The following RIPOR1 variants were observed in gnomAD, a reference collection of about 807,000 sequenced individuals.
RIPOR1 encodes the protein rho family-interacting cell polarization regulator 1.
In RIPOR1, 58 loss-of-function variants were observed where a neutral mutation model predicts 116.5. The observed-to-expected ratio is 0.50, with a 90% CI of 0.40 to 0.62. RIPOR1 has a LOEUF of 0.62. RIPOR1 is among the 20% of genes least tolerant of loss of function. RIPOR1 has a pLI of 0.00. For missense variants in RIPOR1, 1,372 were observed against 1,586.2 expected (o/e 0.86, Z 2.29); for synonymous variants, 605 against 650.0 (o/e 0.93, Z 1.05).
intron 3 of RIPOR1, 60 bp downstream of exon 3, chr16:67,538,884 C>G: frequency 6.2e-7 from 1 of 1,610,240 alleles, no homozygotes; most frequent in African/African-American, 1.3e-5. Flanking sequence ...CCGCATCCTG[C>G]TAGCAGGAAC....
intron 2 of RIPOR1, 43 bp from the exon 3 acceptor site, chr16:67,538,629 G>A: frequency 2.5e-6 from 4 of 1,608,922 alleles, no homozygotes; most frequent in South Asian, 1.1e-5. Context: ...GAGAGTCTGG[G>A]GGACTCCTGC....
At chr16:67,520,799 CA>C (rs772645514) in intron 1 of RIPOR1, among the ~76,000 whole-genome samples, 2 of 137,322 alleles carry the variant, frequency 1.5e-5, no homozygotes, top group African/African-American at 2.8e-5. Context: ...GACTCCATCT[CA>C]AAAAAAAAGA....
chr16:67,528,725 G>T (rs1377087790), upstream of RIPOR1: 1 of 147,616 alleles, frequency 6.8e-6, no homozygotes, highest in Non-Finnish European at 1.5e-5. Flanking sequence ...AGCCGTGGGC[G>T]CCTCTAGGGG....
chr16:67,520,377 C>CAA (rs1178600699), intron 1 of RIPOR1, among the ~76,000 whole-genome samples: 3 of 68,798 alleles, frequency 4.4e-5, no homozygotes, highest in East Asian at 8.8e-4. Context: ...GACCCCATCT[C>CAA]AAAAAAAAAA....
In RIPOR1 at chr16:67,540,407, TGAA is replaced by T; in HGVS notation, c.632-47_632-45del. 1 of 1,614,182 alleles carries T rather than the reference TGAA, an allele frequency of 6.2e-7. No homozygotes were observed. Among genetic ancestry groups the T allele is most frequent in the Non-Finnish European group, 8.5e-7 (1 of 1,180,022 alleles). ...AGGTGGGGGGCTGGAGGGAGTATGC[TGAA>T]GAACCCCAATATGGCTCACCGACTT... On this transcript the variant is annotated intron_variant, in intron 8 of 21. Transcript: ENST00000042381. This position sits in a 1 kb window ranked among gnomAD's most constrained non-coding sequence, Gnocchi z 4.7.
rs536043274 is a variant in RIPOR1 at position 67,541,203 on chromosome 16, C to T, written c.802-227C>T. 2.0e-6 allele frequency: 1 copy of T among 510,244 alleles called. No homozygotes were observed. Among genetic ancestry groups the T allele is most frequent in the Non-Finnish European group, 3.5e-6 (1 of 288,154 alleles). The allele number at this position is 510,244 out of a possible 1,614,324, so 31.6% of individuals were successfully genotyped here. A position where few individuals can be genotyped will look rare whatever the true frequency, so the allele number is the denominator to read the frequency against. On this transcript the variant is annotated intron_variant, in intron 10 of 21. Transcript: ENST00000042381. The surrounding 1 kb of genome is among the most constrained non-coding windows in gnomAD (Gnocchi z 4.6). ...ACTTCAGCCTCCCAAGTAGCTGGGA[C>T]TACAGGTGCACCACCATGCCTGGCT...
Position 67,542,544 on chromosome 16 carries a change from CCCTA to C in RIPOR1, c.1761_1764del (p.Thr588SerfsTer4). On this transcript the variant is annotated frameshift_variant, in exon 13 of 22. Transcript: ENST00000042381. LOFTEE classifies it high-confidence loss of function. The surrounding 1 kb of genome is among the most constrained non-coding windows in gnomAD (Gnocchi z 4.6). ...TAATCTCTACCCTTACTACTACAGG[CCCTA>C]CCCTCAATATCATAGGCCCAGTCCA... The C allele has an allele frequency of 6.2e-7, 1 of 1,613,876 alleles. No individual in the cohort carries two copies. The highest frequency in any genetic ancestry group is 8.5e-7 in the Non-Finnish European group (1 of 1,179,942).
At position 67,545,395 on chromosome 16, in the gene RIPOR1, GGAT is replaced by G. The variant is rs1233968794; in HGVS notation, c.3053_3055del (p.Asp1018del). ...CTGCAGTGTGTGTGAAGTTCCTGGA[GGAT>G]GCCCTGGGGCAGAAGCTGCCCAGAA... is the stretch of plus-strand genomic sequence containing the variant. On this transcript the variant is annotated inframe_deletion, in exon 18 of 22. Transcript: ENST00000042381. The surrounding 1 kb of genome is among the most constrained non-coding windows in gnomAD (Gnocchi z 4.8). 6.2e-7 allele frequency: 1 copy of G among 1,613,988 alleles called. No homozygotes were observed. Among genetic ancestry groups the G allele is most frequent in the Non-Finnish European group, 8.5e-7 (1 of 1,179,994 alleles).
At position 67,540,536 on chromosome 16, in the gene RIPOR1, G is replaced by A. The variant is rs2142541358; in HGVS notation, c.675+35G>A. On this transcript the variant is annotated intron_variant, in intron 9 of 21. Transcript: ENST00000042381. This position sits in a 1 kb window ranked among gnomAD's most constrained non-coding sequence, Gnocchi z 4.7. Reference sequence around the variant, plus strand: ...TGTGCAGGGAAGGGCTGGGTCGGTAGGGTCCCAACACCTAGGCTGCCTCAT... The same window carrying A: ...TGTGCAGGGAAGGGCTGGGTCGGTAAGGTCCCAACACCTAGGCTGCCTCAT... 6.2e-7 allele frequency: 1 copy of A among 1,614,146 alleles called. No homozygotes were observed. The highest frequency in any genetic ancestry group is 1.3e-5 in the African/African-American group (1 of 75,028).
rs1405586968 is a variant in RIPOR1 at position 67,546,572 on chromosome 16, C to G, written c.*109C>G. The G allele has an allele frequency of 2.5e-6, 2 of 812,288 alleles. No individual in the cohort carries two copies. The highest frequency in any genetic ancestry group is 5.1e-5 in the Admixed American group (2 of 39,504). 50.3% of individuals were successfully genotyped at this position (812,288 alleles called of 1,614,324 possible). A position where few individuals can be genotyped will look rare whatever the true frequency, so the allele number is the denominator to read the frequency against. Reference sequence around the variant, plus strand: ...TCCAGATACCCCTCCCCCACAGATTCCTAGCAATGAAAATCTAATATATTC... The same window carrying G: ...TCCAGATACCCCTCCCCCACAGATTGCTAGCAATGAAAATCTAATATATTC... On this transcript the variant is annotated 3_prime_UTR_variant, in exon 22 of 22. Transcript: ENST00000042381.
chr16:67,540,607 GGA>G lies in RIPOR1; in HGVS notation c.705_706del (p.Trp235Ter). 1 of 1,613,968 alleles carries G rather than the reference GGA, an allele frequency of 6.2e-7. No individual in the cohort carries two copies. Among genetic ancestry groups the G allele is most frequent in the Non-Finnish European group, 8.5e-7 (1 of 1,179,914 alleles). The stretch of plus-strand genomic sequence containing the variant: ...TGCATGAAATATGGGCGTCAGCGCT[GGA>G]AACTACGGGGCCGAATTGAGGGTAG... On this transcript the variant is annotated stop_gained and frameshift_variant, in exon 10 of 22. Transcript: ENST00000042381. LOFTEE classifies it high-confidence loss of function. The surrounding 1 kb of genome is among the most constrained non-coding windows in gnomAD (Gnocchi z 4.7).
Position 67,546,367 on chromosome 16 carries a change from A to G in RIPOR1, c.3564A>G (p.Gly1188=), listed in dbSNP as rs775150771. The change falls in exon 22 of 22, where the codon GGA becomes GGG. Residue 1188 remains glycine, a splice_region_variant and synonymous_variant. Coordinates refer to ENST00000042381, the MANE Select transcript of RIPOR1 (RefSeq NM_024519.4). ...EAARQSLQQC[G]EEGQSAHRRL... ...TGACCTCATCCTCACTCATTACAGGAGAAGAGGGACAGTCTGCCCATCGAC... is the reference window on the plus strand; with the variant it reads ...TGACCTCATCCTCACTCATTACAGGGGAAGAGGGACAGTCTGCCCATCGAC... 3 of 1,613,764 alleles carry G rather than the reference A, an allele frequency of 1.9e-6. No homozygotes were observed. The highest frequency in any genetic ancestry group is 2.5e-6 in the Non-Finnish European group (3 of 1,179,830).
chr16:67,540,175 G>A lies in RIPOR1; in HGVS notation c.537G>A (p.Glu179=). 1 of 1,614,162 alleles carries A rather than the reference G, an allele frequency of 6.2e-7. No individual in the cohort carries two copies. The highest frequency in any genetic ancestry group is 8.5e-7 in the Non-Finnish European group (1 of 1,180,004). ...GSREARDSLA[E]ATRGHREYTE... is the part of the protein sequence containing the mutation. ...GAGAGGCCCGGGACAGCCTGGCAGA[G>A]GCCACTCGGGGGCATCGCGAGTACA... The change falls in exon 7 of 22, where the codon GAG becomes GAA. Residue 179 remains glutamate (E), a synonymous_variant. Coordinates refer to ENST00000042381, the MANE Select transcript of RIPOR1 (RefSeq NM_024519.4). The surrounding 1 kb of genome is among the most constrained non-coding windows in gnomAD (Gnocchi z 4.7).
chr16:67,533,320 TG>T (rs2050709600), intron 1 of RIPOR1, among the ~76,000 whole-genome samples: 1 of 151,310 alleles, frequency 6.6e-6, no homozygotes, highest in South Asian at 2.1e-4. Context: ...CTCAGAAGAG[TG>T]GCTTGGGTGG....
rs1183521077 is a variant in RIPOR1, at chr16:67,537,478, C to G, written c.-23-946C>G. ...GGAGGAGCCGAAGCCGAGCCAGAGC[C>G]GCTGGGAGCGAGCCCGGAGCCCAGC... On this transcript the variant is annotated intron_variant, in intron 1 of 21. Coordinates refer to ENST00000042381, the MANE Select transcript of RIPOR1 (RefSeq NM_024519.4). This position sits in a 1 kb window ranked among gnomAD's most constrained non-coding sequence, Gnocchi z 4.6. 3.9e-5 allele frequency: 49 copies of G among 1,251,206 alleles called. No individual in the cohort carries two copies. The highest frequency in any genetic ancestry group is 4.8e-5 in the Non-Finnish European group (48 of 996,890). The allele number at this position is 1,251,206 out of a possible 1,614,324, so 77.5% of individuals were successfully genotyped here.
chr16:67,519,343 G>A (rs1343430492), intron 1 of RIPOR1, among the ~76,000 whole-genome samples: 2 of 151,948 alleles, frequency 1.3e-5, no homozygotes, highest in African/African-American at 4.8e-5. Flanking sequence ...GGGAAGGCAG[G>A]GTGTATCCAG....
Position 67,540,444 on chromosome 16 carries a change from C to T in RIPOR1, c.632-14C>T. 1 of 1,612,988 alleles carries T rather than the reference C, an allele frequency of 6.2e-7. No homozygotes were observed. The highest frequency in any genetic ancestry group is 8.5e-7 in the Non-Finnish European group (1 of 1,180,028). On this transcript the variant is annotated splice_polypyrimidine_tract_variant and intron_variant, in intron 8 of 21. Transcript: ENST00000042381. The surrounding 1 kb of genome is among the most constrained non-coding windows in gnomAD (Gnocchi z 4.7). The stretch of plus-strand genomic sequence containing the variant: ...ATATGGCTCACCGACTTCTCCCCTT[C>T]TCCTCCAACTCAGGGCTGGCTGGCT...
chr16:67,543,135 A>T lies in RIPOR1; in HGVS notation c.2349A>T (p.Gly783=). ...AGACCCCAGTCCCAACGGCAGCCGG[A>T]GGGTCTGGGGACAGGAGCCTGGAGG... The part of the protein sequence containing the change: ...AVQTPVPTAA[G]GSGDRSLEEA... The change falls in exon 13 of 22, where the codon GGA becomes GGT. Residue 783 remains glycine, a synonymous_variant. Coordinates refer to ENST00000042381, the MANE Select transcript of RIPOR1 (RefSeq NM_024519.4). This position sits in a 1 kb window ranked among gnomAD's most constrained non-coding sequence, Gnocchi z 4.7. 1.3e-6 allele frequency: 2 copies of T among 1,524,510 alleles called. No individual in the cohort carries two copies. The highest frequency in any genetic ancestry group is 1.8e-6 in the Non-Finnish European group (2 of 1,138,104). 94.4% of individuals were successfully genotyped at this position (1,524,510 alleles called of 1,614,324 possible).
upstream of RIPOR1, chr16:67,528,255 T>G (rs1197686911): frequency 6.6e-6 from 1 of 152,266 alleles, no homozygotes; most frequent in Non-Finnish European, 1.5e-5. Context: ...ACCCCAAGAC[T>G]GCCCGAAAAC....
Sources: gnomAD v4.1 joint callset for allele counts (sites outside exome capture counted in the v4.1 genomes callset) on GRCh38, gnomAD v4.1.1 for gene constraint, Gnocchi (gnomAD v3.1) non-coding constraint, MANE v1.5 for transcripts, NCBI Gene and HGNC (gene_info 2026-07-23, HGNC 2026-07-21) for gene names.